Variants in SV2C observed in about 807,000 individuals in gnomAD.
SV2C encodes solute carrier family 22 member B3.
In SV2C, 49 loss-of-function variants were observed where a neutral mutation model predicts 79.7. That is an observed-to-expected ratio of 0.61 (90% CI 0.49 to 0.78). The LOEUF (loss-of-function observed/expected upper bound fraction) is 0.78, where lower values mean the gene tolerates loss of function less well. SV2C is among the 30% of genes least tolerant of loss of function. The pLI, the probability that SV2C is intolerant of heterozygous loss-of-function variation, is 0.00. For missense variants in SV2C, 833 were observed against 912.9 expected (o/e 0.91, Z 1.13); for synonymous variants, 334 against 333.2 (o/e 1.00, Z -0.03).
intron 6 of SV2C, among the ~76,000 whole-genome samples, chr5:76,286,502 A>G (rs1747362992): frequency 1.3e-5 from 2 of 152,210 alleles, no homozygotes; most frequent in African/African-American, 2.4e-5. Flanking sequence ...CTTGGAATAC[A>G]TAGTAAATGG....
intron 1 of SV2C, among the ~76,000 whole-genome samples, chr5:76,114,162 C>T (rs902885289): frequency 2.6e-5 from 4 of 152,048 alleles, no homozygotes; most frequent in Admixed American, 6.6e-5. Flanking sequence ...TACAGAGCAC[C>T]GGTGGAGATG....
chr5:76,015,724 C>G, the SV2C span, among the ~76,000 whole-genome samples: 1 of 151,930 alleles, frequency 6.6e-6, no homozygotes, highest in Non-Finnish European at 1.5e-5. Flanking sequence ...GAGAAATTTC[C>G]CAATAAAATT....
chr5:76,231,873 T>C (rs967301249), intron 4 of SV2C, among the ~76,000 whole-genome samples: 1 of 145,916 alleles, frequency 6.9e-6, no homozygotes, highest in African/African-American at 2.8e-5. Context: ...GTCTTTGCTA[T>C]TGTGAATAAT....
At chr5:76,025,759 T>C in the SV2C span, among the ~76,000 whole-genome samples, 2 of 152,160 alleles carry the variant, frequency 1.3e-5, no homozygotes, top group African/African-American at 4.8e-5. Flanking sequence ...GGAAGTCAGA[T>C]GGCCCATTTC....
chr5:76,144,339 T>C (rs898328489), intron 2 of SV2C, among the ~76,000 whole-genome samples: 20 of 152,156 alleles, frequency 1.3e-4, no homozygotes, highest in Non-Finnish European at 2.5e-4. Context: ...CCAACTTACC[T>C]TGTGGGGCTG....
chr5:76,266,582 C>T (rs1746663791), intron 4 of SV2C, among the ~76,000 whole-genome samples: 1 of 152,066 alleles, frequency 6.6e-6, no homozygotes, highest in Non-Finnish European at 1.5e-5. Context: ...TGTATAATGC[C>T]ACTTACATGA....
In SV2C at chr5:76,272,612, T is replaced by G. The variant is rs148141024; in HGVS notation, c.914-12550T>G. 2.8e-3 allele frequency among the ~76,000 whole-genome samples: 424 copies of G among 152,328 alleles called. 1 individual carries two copies. The highest frequency in any genetic ancestry group is 9.8e-3 in the African/African-American group (408 of 41,572). ...CTGCAGTTTAGAAGGTGTTTTGTTT[T>G]GTTTTGTTTTTTGTTTTGAAAGTAT... On this transcript the variant is annotated intron_variant, in intron 4 of 12. Transcript: ENST00000502798.
At chr5:76,208,738 TC>T (rs1744683231) in intron 3 of SV2C, among the ~76,000 whole-genome samples, 3 of 152,250 alleles carry the variant, frequency 2.0e-5, no homozygotes, top group African/African-American at 7.2e-5. Flanking sequence ...ACTTCCTAAC[TC>T]TATTAGATTT....
chr5:75,861,841 G>T, the SV2C span, among the ~76,000 whole-genome samples: 20 of 152,304 alleles, frequency 1.3e-4, no homozygotes, highest in Admixed American at 3.9e-4. Context: ...AGGAGGGCAA[G>T]TTTAGAACAA....
the SV2C span, among the ~76,000 whole-genome samples, chr5:75,997,284 G>T: frequency 6.6e-6 from 1 of 152,052 alleles, no homozygotes; most frequent in African/African-American, 2.4e-5. Flanking sequence ...CATGGGCAAG[G>T]ACTTCATGTC....
intron 1 of SV2C, among the ~76,000 whole-genome samples, chr5:76,101,123 A>C (rs547601106): frequency 1.3e-5 from 2 of 152,120 alleles, no homozygotes; most frequent in African/African-American, 4.8e-5. Flanking sequence ...GCAGAGGTGG[A>C]GCACCCTGGG....
chr5:76,294,025 G>A lies in SV2C; in HGVS notation c.1338-1753G>A, dbSNP rs374419816. 1.1e-4 allele frequency among the ~76,000 whole-genome samples: 17 copies of A among 152,268 alleles called. No homozygotes were observed. The South Asian group carries it at 2.5e-3, about 22-fold the overall frequency. On this transcript the variant is annotated intron_variant, in intron 8 of 12. Coordinates refer to ENST00000502798, the MANE Select transcript of SV2C (RefSeq NM_014979.4). Reference sequence around the variant, plus strand: ...AGAGCAGTGGTTCTCAAACTTGAACGTGCATCAGAAGAATCCCTGGAGGAC... The same window carrying A: ...AGAGCAGTGGTTCTCAAACTTGAACATGCATCAGAAGAATCCCTGGAGGAC...
chr5:76,011,740 C>A, the SV2C span, among the ~76,000 whole-genome samples: 2 of 152,060 alleles, frequency 1.3e-5, no homozygotes, highest in Non-Finnish European at 2.9e-5. Context: ...AGGTATTTCT[C>A]CTAATGCTAT....
chr5:76,239,087 C>A (rs1017182796), intron 4 of SV2C, among the ~76,000 whole-genome samples: 3 of 132,992 alleles, frequency 2.3e-5, no homozygotes, highest in African/African-American at 4.2e-5. Flanking sequence ...AAATAGTCTT[C>A]CCCCCCACTT....
chr5:76,007,873 T>C, the SV2C span, among the ~76,000 whole-genome samples: 4 of 152,132 alleles, frequency 2.6e-5, no homozygotes, highest in Admixed American at 2.6e-4. Context: ...AGAGTAGTAA[T>C]CTTTTGCTTT....
At chr5:76,030,281 T>TATTTATTTATTTATTTATTTATTTA in the SV2C span, among the ~76,000 whole-genome samples, 2 of 113,368 alleles carry the variant, frequency 1.8e-5, no homozygotes, top group African/African-American at 8.6e-5. Context: ...TTTTTTTTTT[T>TATTTATTTATTTATTTATTTATTTA]TTTTTTTTTT....
At chr5:75,873,925 C>G in the SV2C span, among the ~76,000 whole-genome samples, 1 of 151,974 alleles carries the variant, frequency 6.6e-6, no homozygotes, top group Non-Finnish European at 1.5e-5. Context: ...AGCCTACCAA[C>G]CAAAAAAAGC....
chr5:76,124,992 G>T (rs920960165), intron 1 of SV2C, among the ~76,000 whole-genome samples: 10 of 152,162 alleles, frequency 6.6e-5, no homozygotes, highest in Non-Finnish European at 1.3e-4. Context: ...ATGCAAACAG[G>T]TTTGCCATTT....
At chr5:75,857,099 A>G in the SV2C span, among the ~76,000 whole-genome samples, 3 of 151,898 alleles carry the variant, frequency 2.0e-5, no homozygotes, top group Non-Finnish European at 2.9e-5. Flanking sequence ...CTGGGACTAC[A>G]GGTGCCTGCC....
Sources: gnomAD v4.1 joint callset for allele counts (sites outside exome capture counted in the v4.1 genomes callset) on GRCh38, gnomAD v4.1.1 for gene constraint, MANE v1.5 for transcripts, NCBI Gene and HGNC (gene_info 2026-07-23, HGNC 2026-07-21) for gene names.